HSD3B2: variants seen among roughly 807,000 people sequenced by gnomAD.
HSD3B2 encodes the protein 3 beta-hydroxysteroid dehydrogenase/Delta 5-->4-isomerase type 2.
A neutral mutation model predicts 9.9 loss-of-function variants in HSD3B2; 8 were observed. The ratio of observed to expected loss-of-function variants is 0.81; its 90% CI spans 0.47 to 1.46. The LOEUF (loss-of-function observed/expected upper bound fraction) is 1.46. Among genes scored for constraint, HSD3B2 ranks in the 40% most tolerant of loss-of-function variants. The probability of loss-of-function intolerance (pLI) is 0.00; values close to 1 mark genes in which losing one functional copy is unlikely to be tolerated. For missense variants in HSD3B2, 410 were observed against 448.3 expected, an observed-to-expected ratio of 0.91 and a Z score of 0.77; for synonymous variants, 221 against 184.5, an observed-to-expected ratio of 1.20 and a Z score of -1.60.
chr1:119,422,405 T>C lies in HSD3B2; in HGVS notation c.904T>C (p.Phe302Leu), dbSNP rs1651914826. 6.2e-7 allele frequency: 1 copy of C among 1,614,130 alleles called. No individual in the cohort carries two copies. The highest frequency in any genetic ancestry group is 1.3e-5 in the African/African-American group (1 of 75,052). Residue 302 changes from phenylalanine to leucine, a missense_variant, in exon 4 of 4, where the codon TTC becomes CTC. Physicochemically the swap from Phe to Leu is conservative, Grantham distance 22 (BLOSUM62 0). Coordinates refer to ENST00000369416, the MANE Select transcript of HSD3B2 (RefSeq NM_000198.4). ...WIGFLLEVVSFLLSPIYSYQP... is the reference protein window; with the variant it reads ...WIGFLLEVVSLLLSPIYSYQP... ...TGGCTTCCTGCTGGAAGTAGTGAGCTTCCTACTCAGCCCAATTTACTCCTA... is the reference window on the plus strand; with the variant it reads ...TGGCTTCCTGCTGGAAGTAGTGAGCCTCCTACTCAGCCCAATTTACTCCTA...
At chr1:119,420,630 C>T (rs1022358594) in intron 3 of HSD3B2, among the ~76,000 whole-genome samples, 9 of 152,194 alleles carry the variant, frequency 5.9e-5, no homozygotes, top group Non-Finnish European at 4.4e-5. Context: ...AAATACTTCA[C>T]AATGATGGCC....
In HSD3B2 at chr1:119,419,561, A is replaced by C. The variant is rs953830346; in HGVS notation, c.286A>C (p.Ile96Leu). The change falls in exon 3 of 4, where the codon ATC becomes CTC. Residue 96 changes from isoleucine (I) to leucine (L), a missense_variant. By Grantham distance (5) the Ile-to-Leu change is conservative. Transcript: ENST00000369416. ...DVFGVTHRES[I>L]MNVNVKGTQL... Reference sequence around the variant, plus strand: ...CTTTGGTGTCACTCACAGAGAGTCCATCATGAATGTCAATGTGAAAGGTAC... The same window carrying C: ...CTTTGGTGTCACTCACAGAGAGTCCCTCATGAATGTCAATGTGAAAGGTAC... 1 of 1,613,962 alleles carries C rather than the reference A, an allele frequency of 6.2e-7. No individual in the cohort carries two copies. Among genetic ancestry groups the C allele is most frequent in the East Asian group, 2.2e-5 (1 of 44,850 alleles).
At position 119,422,090 on chromosome 1, in the gene HSD3B2, C is replaced by T. The variant is rs1651895122; in HGVS notation, c.589C>T (p.Leu197Phe). ...TATCTATGGGGAAGGAGGCCCATTC[C>T]TTTCTGCCAGTATAAATGAGGCCCT... ...TYIYGEGGPF[L>F]SASINEALNN... is the part of the protein sequence containing the mutation. The change falls in exon 4 of 4, where the codon CTT becomes TTT. Residue 197 changes from leucine (L) to phenylalanine (F), a missense_variant. Transcript: ENST00000369416. 3 of 1,613,956 alleles carry T rather than the reference C, an allele frequency of 1.9e-6. No individual in the cohort carries two copies. The highest frequency in any genetic ancestry group is 2.7e-5 in the African/African-American group (2 of 74,912).
intron 3 of HSD3B2, among the ~76,000 whole-genome samples, chr1:119,420,066 G>C (rs1354445100): frequency 6.6e-6 from 1 of 152,144 alleles, no homozygotes; most frequent in Non-Finnish European, 1.5e-5. Flanking sequence ...CCTCTCAAGA[G>C]AACTAGCAAA....
At chr1:119,421,391 GTATATATATATGTA>G (rs1570821304) in intron 3 of HSD3B2, among the ~76,000 whole-genome samples, 2 of 110,794 alleles carry the variant, frequency 1.8e-5, no homozygotes, top group Non-Finnish European at 3.5e-5. Flanking sequence ...ATATATATAT[GTATATATATATGTA>G]TATATATATA....
rs766170141 is a variant in HSD3B2 at position 119,422,026 on chromosome 1, T to C, written c.525T>C (p.Asn175=). ...VLAANGWNLK[N]GDTLYTCALR... is the part of the protein sequence containing the mutation. ...CGGCTAATGGGTGGAATCTAAAAAA[T>C]GGTGATACCTTGTACACTTGTGCGT... The change falls in exon 4 of 4, where the codon AAT becomes AAC. Residue 175 remains asparagine (N), a synonymous_variant. Coordinates refer to ENST00000369416, the MANE Select transcript of HSD3B2 (RefSeq NM_000198.4). 3.7e-6 allele frequency: 6 copies of C among 1,614,080 alleles called. No homozygotes were observed. The South Asian group carries it at 4.4e-5, about 12-fold the overall frequency.
At position 119,422,358 on chromosome 1, in the gene HSD3B2, C is replaced by T; in HGVS notation, c.857C>T (p.Pro286Leu). Reference protein sequence around the residue: ...GLRLDSRWSLPLTLMYWIGFL... With the variant: ...GLRLDSRWSLLLTLMYWIGFL... ...CGCCTTGATTCCAGATGGAGCCTTC[C>T]TTTAACCCTGATGTACTGGATTGGC... is the stretch of plus-strand genomic sequence containing the variant. Residue 286 changes from proline (P) to leucine (L), a missense_variant, in exon 4 of 4, where the codon CCT (proline) becomes CTT (leucine). Physicochemically the swap from Pro to Leu is moderately conservative, Grantham distance 98 (BLOSUM62 -3). Coordinates refer to ENST00000369416, the MANE Select transcript of HSD3B2 (RefSeq NM_000198.4). The T allele has an allele frequency of 6.2e-7, 1 of 1,614,136 alleles. No homozygotes were observed. The highest frequency in any genetic ancestry group is 8.5e-7 in the Non-Finnish European group (1 of 1,179,990).
At chr1:119,419,335 C>T in intron 2 of HSD3B2, 83 bp from the exon 3 acceptor site, 2 of 1,296,622 alleles carry the variant, frequency 1.5e-6, no homozygotes, top group East Asian at 2.3e-5. Context: ...TCTCTTTGAG[C>T]ACCTATGTAA....
At chr1:119,419,036 C>T (rs1398675258) in intron 2 of HSD3B2, among the ~76,000 whole-genome samples, 1 of 152,114 alleles carries the variant, frequency 6.6e-6, no homozygotes, top group African/African-American at 2.4e-5. Flanking sequence ...TACATGATTC[C>T]TCATCGCCTA....
At chr1:119,417,634 G>C (rs1190866133) in intron 2 of HSD3B2, 2 of 152,168 alleles carry the variant, frequency 1.3e-5, no homozygotes, top group African/African-American at 4.8e-5. Context: ...GCTGGGAGTA[G>C]ACAAAACAAG....
intron 2 of HSD3B2, 68 bp from the exon 3 acceptor site, chr1:119,419,350 G>T: frequency 6.7e-7 from 1 of 1,483,480 alleles, no homozygotes; most frequent in Non-Finnish European, 9.4e-7. Context: ...ATGTAACATC[G>T]CCTTTATCAG....
intron 2 of HSD3B2, among the ~76,000 whole-genome samples, chr1:119,418,482 C>T (rs1651767409): frequency 6.6e-6 from 1 of 152,020 alleles, no homozygotes; most frequent in Non-Finnish European, 1.5e-5. Context: ...GGTTCCAGTC[C>T]TCATCTAAAC....
chr1:119,422,001 C>A lies in HSD3B2; in HGVS notation c.500C>A (p.Ala167Glu), dbSNP rs35486059. The A allele has an allele frequency of 2.5e-6, 4 of 1,614,062 alleles. No individual in the cohort carries two copies. The highest frequency in any genetic ancestry group is 1.7e-5 in the Admixed American group (1 of 60,008). Reference protein sequence around the residue: ...SKKLAEKAVLAANGWNLKNGD... With the variant: ...SKKLAEKAVLEANGWNLKNGD... Reference sequence around the variant, plus strand: ...AAGCTTGCTGAGAAGGCTGTGCTGGCGGCTAATGGGTGGAATCTAAAAAAT... The same window carrying A: ...AAGCTTGCTGAGAAGGCTGTGCTGGAGGCTAATGGGTGGAATCTAAAAAAT... The change falls in exon 4 of 4, where the codon GCG becomes GAG. Residue 167 changes from alanine to glutamate, a missense_variant. Physicochemically the swap from Ala to Glu is moderately radical, Grantham distance 107. Coordinates refer to ENST00000369416, the MANE Select transcript of HSD3B2 (RefSeq NM_000198.4).
In HSD3B2 at chr1:119,422,880, A is replaced by C. The variant is rs900148643; in HGVS notation, c.*260A>C. 1 of 566,664 alleles carries C rather than the reference A, an allele frequency of 1.8e-6. No individual in the cohort carries two copies. The highest frequency in any genetic ancestry group is 3.2e-6 in the Non-Finnish European group (1 of 316,776). The allele number at this position is 566,664 out of a possible 1,614,324, so 35.1% of individuals were successfully genotyped here. A position where few individuals can be genotyped will look rare whatever the true frequency, so the allele number is the denominator to read the frequency against. On this transcript the variant is annotated 3_prime_UTR_variant, in exon 4 of 4. Transcript: ENST00000369416. ...TACCAAATCTCAGTGGCTGATTCTG[A>C]ACAATTGTGGTCTCTCTTAACTTGA... is the stretch of plus-strand genomic sequence containing the variant.
chr1:119,422,753 C>A lies in HSD3B2; in HGVS notation c.*133C>A. The A allele has an allele frequency of 1.9e-6, 2 of 1,048,848 alleles. No individual in the cohort carries two copies. Among genetic ancestry groups the A allele is most frequent in the Non-Finnish European group, 1.4e-6 (1 of 695,564 alleles). 65.0% of individuals were successfully genotyped at this position (1,048,848 alleles called of 1,614,324 possible). A position where few individuals can be genotyped will look rare whatever the true frequency, so the allele number is the denominator to read the frequency against. ...TGCCTCTCTTTCACACAATGCCCAACTTACTGTCTTCTTCATGTCATCAAA... is the reference window on the plus strand; with the variant it reads ...TGCCTCTCTTTCACACAATGCCCAAATTACTGTCTTCTTCATGTCATCAAA... On this transcript the variant is annotated 3_prime_UTR_variant, in exon 4 of 4. Transcript: ENST00000369416.
chr1:119,416,402 C>T (rs1454923559), intron 2 of HSD3B2, among the ~76,000 whole-genome samples: 1 of 152,162 alleles, frequency 6.6e-6, no homozygotes, highest in Non-Finnish European at 1.5e-5. Context: ...GCAAATAACC[C>T]TGTGAGGAAG....
At chr1:119,415,591 C>T (rs1274765956) in intron 2 of HSD3B2, 30 bp downstream of exon 2, 5 of 1,612,320 alleles carry the variant, frequency 3.1e-6, no homozygotes, top group African/African-American at 1.3e-5. Flanking sequence ...GGGTCTGTGG[C>T]TCCATCTTAA....
At chr1:119,420,267 A>G (rs1031497161) in intron 3 of HSD3B2, among the ~76,000 whole-genome samples, 1 of 152,174 alleles carries the variant, frequency 6.6e-6, no homozygotes, top group Non-Finnish European at 1.5e-5. Context: ...TTTTAAAGGA[A>G]TCTTGCCATG....
In HSD3B2 at chr1:119,422,336, C is replaced by T; in HGVS notation, c.835C>T (p.Leu279Phe). The change falls in exon 4 of 4, where the codon CTT becomes TTT. Residue 279 changes from leucine (L) to phenylalanine (F), a missense_variant. Physicochemically the swap from Leu to Phe is conservative, Grantham distance 22. Transcript: ENST00000369416. ...CCTGAGCAAAGAGTTTGGCCTCCGC[C>T]TTGATTCCAGATGGAGCCTTCCTTT... is the stretch of plus-strand genomic sequence containing the variant. Reference protein sequence around the residue: ...YILSKEFGLRLDSRWSLPLTL... With the variant: ...YILSKEFGLRFDSRWSLPLTL... The T allele has an allele frequency of 6.2e-7, 1 of 1,614,186 alleles. No homozygotes were observed. The highest frequency in any genetic ancestry group is 8.5e-7 in the Non-Finnish European group (1 of 1,180,014).
Sources: allele counts gnomAD v4.1 joint callset (sites outside exome capture counted in the v4.1 genomes callset), GRCh38; gene constraint gnomAD v4.1.1; transcripts MANE v1.5; gene names NCBI Gene and HGNC (gene_info 2026-07-23, HGNC 2026-07-21).